The following CCDC171 variants were observed in gnomAD, a reference collection of about 807,000 sequenced individuals.
CCDC171 encodes coiled-coil domain-containing protein 171.
CCDC171 carries 177 observed loss-of-function variants against 168.2 expected under a neutral mutation model. The ratio of observed to expected loss-of-function variants is 1.05; its 90% CI spans 0.93 to 1.19. The LOEUF (loss-of-function observed/expected upper bound fraction) is 1.19. Ranked by LOEUF, CCDC171 falls within the 50% of genes most tolerant of loss-of-function variation. The pLI is 0.00. For synonymous variants in CCDC171, 687 were observed against 540.8 expected, an observed-to-expected ratio of 1.27 and a Z score of -3.75; for missense variants, 1,991 against 1,539.0, an observed-to-expected ratio of 1.29 and a Z score of -4.91.
chr9:15,631,265 A>T lies in CCDC171; in HGVS notation c.822+7852A>T, dbSNP rs192452201. On this transcript the variant is annotated intron_variant, in intron 7 of 25. Coordinates refer to ENST00000380701, the MANE Select transcript of CCDC171 (RefSeq NM_173550.4). Reference sequence around the variant, plus strand: ...TTTTGAAAAGATCAACAAAATTGATAGACAGCTAGCAAGACTAATAAAGAA... The same window carrying T: ...TTTTGAAAAGATCAACAAAATTGATTGACAGCTAGCAAGACTAATAAAGAA... Among the ~76,000 whole-genome samples, 74 of 152,066 alleles carry T rather than the reference A, an allele frequency of 4.9e-4. No individual in the cohort carries two copies. The East Asian group carries it at 0.013, about 27-fold the overall frequency.
chr9:15,676,717 G>A (rs2049598300), intron 9 of CCDC171, among the ~76,000 whole-genome samples: 2 of 151,950 alleles, frequency 1.3e-5, no homozygotes, highest in Admixed American at 6.6e-5. Flanking sequence ...TTTATCAGAG[G>A]AAAATTTAAA....
intron 8 of CCDC171, among the ~76,000 whole-genome samples, chr9:16,037,351 C>G (rs1833490534): frequency 6.6e-6 from 1 of 152,142 alleles, no homozygotes; most frequent in African/African-American, 2.4e-5. Context: ...GAACCAGGCA[C>G]AAAACTCTCC....
chr9:15,795,753 A>C lies in CCDC171; in HGVS notation c.3267+11059A>C, dbSNP rs189870441. The stretch of plus-strand genomic sequence containing the variant: ...GAGAAAATCTCTGCCTAGCAGCTAC[A>C]TGAGAATTTGACATCTACTCAGGAC... On this transcript the variant is annotated intron_variant, in intron 21 of 25. Transcript: ENST00000380701. 4.0e-4 allele frequency among the ~76,000 whole-genome samples: 61 copies of C among 152,344 alleles called. 1 individual carries two copies. Among genetic ancestry groups the C allele is most frequent in the Admixed American group, 3.8e-3 (58 of 15,302 alleles).
At chr9:15,584,659 A>C (rs936827629) in intron 4 of CCDC171, among the ~76,000 whole-genome samples, 1 of 152,150 alleles carries the variant, frequency 6.6e-6, no homozygotes, top group African/African-American at 2.4e-5. Context: ...GGGGAGAAAG[A>C]AGGGTAGAAG....
intron 13 of CCDC171, 36 bp from the exon 14 acceptor site, chr9:15,724,740 C>G: frequency 2.7e-6 from 4 of 1,491,386 alleles, no homozygotes; most frequent in Non-Finnish European, 3.7e-6. Context: ...TGTTGGCTGG[C>G]CTTTCTACAA....
intron 23 of CCDC171, among the ~76,000 whole-genome samples, chr9:15,868,369 A>G (rs2061878568): frequency 6.6e-6 from 1 of 151,996 alleles, no homozygotes; most frequent in African/African-American, 2.4e-5. Flanking sequence ...TGTTGCTTAT[A>G]TCCTGGGACA....
chr9:15,792,563 C>T (rs1224801200), intron 21 of CCDC171, among the ~76,000 whole-genome samples: 1 of 152,126 alleles, frequency 6.6e-6, no homozygotes, highest in Non-Finnish European at 1.5e-5. Flanking sequence ...ATGTTAAGGG[C>T]AGCCAGAGAG....
At chr9:15,769,993 G>C (rs974007390) in intron 18 of CCDC171, among the ~76,000 whole-genome samples, 1 of 152,110 alleles carries the variant, frequency 6.6e-6, no homozygotes, top group Admixed American at 6.5e-5. Flanking sequence ...CCTAGCCAAA[G>C]ATGAACTCAT....
chr9:16,013,070 A>G (rs1185051112), intron 3 of CCDC171, among the ~76,000 whole-genome samples: 6 of 152,016 alleles, frequency 3.9e-5, no homozygotes, highest in Non-Finnish European at 8.8e-5. Flanking sequence ...TTCCCACTCA[A>G]AATGTCCCCA....
intron 25 of CCDC171, among the ~76,000 whole-genome samples, chr9:15,949,184 C>T (rs1828809715): frequency 6.6e-6 from 1 of 152,036 alleles, no homozygotes. Flanking sequence ...TGATCTATAT[C>T]TCAGTTTTGG....
intron 6 of CCDC171, among the ~76,000 whole-genome samples, chr9:15,609,263 C>G (rs1401103479): frequency 2.0e-5 from 3 of 151,698 alleles, no homozygotes; most frequent in African/African-American, 4.8e-5. Context: ...CCATGCCCAG[C>G]TAATTTTTTA....
intron 11 of CCDC171, among the ~76,000 whole-genome samples, chr9:15,708,416 A>T (rs2133984612): frequency 6.6e-6 from 1 of 152,348 alleles, no homozygotes; most frequent in South Asian, 2.1e-4. Flanking sequence ...CTATGACAGT[A>T]GACAGACATT....
intron 10 of CCDC171, among the ~76,000 whole-genome samples, chr9:15,691,542 T>TATATATATATATATATATA (rs1554762137): frequency 4.4e-5 from 5 of 112,716 alleles, no homozygotes; most frequent in East Asian, 2.5e-4. Flanking sequence ...TAAATATATG[T>TATATATATATATATATATA]TTTTTATATA....
intron 24 of CCDC171, among the ~76,000 whole-genome samples, chr9:15,900,955 A>G (rs1821555462): frequency 6.6e-6 from 1 of 152,172 alleles, no homozygotes; most frequent in Admixed American, 6.5e-5. Context: ...CTGATGCCAC[A>G]GGGGAGTAGT....
intron 4 of CCDC171, among the ~76,000 whole-genome samples, chr9:15,586,791 T>TTTAA (rs767363700): frequency 1.3e-5 from 2 of 152,230 alleles, no homozygotes; most frequent in Non-Finnish European, 2.9e-5. Context: ...CCAGCTTCCC[T>TTTAA]TTAATTAATT....
chr9:15,589,717 A>G (rs1587195914), intron 4 of CCDC171, among the ~76,000 whole-genome samples: 1 of 152,344 alleles, frequency 6.6e-6, no homozygotes, highest in East Asian at 1.9e-4. Flanking sequence ...AAAAATTAAC[A>G]AATTAAAAAT....
At chr9:16,107,260 C>T in the CCDC171 span, among the ~76,000 whole-genome samples, 2 of 152,130 alleles carry the variant, frequency 1.3e-5, no homozygotes, top group Non-Finnish European at 2.9e-5. Context: ...AGCGATTCTC[C>T]CACCTTAGCC....
intron 21 of CCDC171, among the ~76,000 whole-genome samples, chr9:15,796,011 A>G (rs2058537763): frequency 6.6e-6 from 1 of 152,266 alleles, no homozygotes; most frequent in Admixed American, 6.5e-5. Flanking sequence ...TCAATATTTG[A>G]TAATAGAATT....
chr9:16,069,430 C>CGT, the CCDC171 span, among the ~76,000 whole-genome samples: 1 of 152,088 alleles, frequency 6.6e-6, no homozygotes, highest in Non-Finnish European at 1.5e-5. Flanking sequence ...TGCGTGTGCA[C>CGT]GTGTGTGTGC....
Sources: gnomAD v4.1 joint callset for allele counts (sites outside exome capture counted in the v4.1 genomes callset) on GRCh38, gnomAD v4.1.1 for gene constraint, MANE v1.5 for transcripts, NCBI Gene and HGNC (gene_info 2026-07-23, HGNC 2026-07-21) for gene names.